Variants in MSTO1 observed in about 807,000 individuals in gnomAD.
MSTO1 encodes protein misato homolog 1.
In MSTO1, 24 loss-of-function variants were observed where a neutral mutation model predicts 55.7. The ratio of observed to expected loss-of-function variants is 0.43; its 90% CI spans 0.31 to 0.61. The LOEUF is 0.61. MSTO1 is among the 20% of genes least tolerant of loss of function. MSTO1 has a pLI of 0.09. For missense variants in MSTO1, 363 were observed against 625.7 expected, an observed-to-expected ratio of 0.58 and a Z score of 4.48; for synonymous variants, 162 against 252.8, an observed-to-expected ratio of 0.64 and a Z score of 3.41.
upstream of MSTO1, among the ~76,000 whole-genome samples, chr1:155,609,243 ATTT>A (rs1185140621): frequency 4.9e-4 from 27 of 54,568 alleles, no homozygotes; most frequent in East Asian, 1.9e-3. Context: ...ATATATATAT[ATTT>A]TTTTTTTTTT....
At chr1:155,592,021 C>T in the MSTO1 span, among the ~76,000 whole-genome samples, 1 of 152,182 alleles carries the variant, frequency 6.6e-6, no homozygotes, top group South Asian at 2.1e-4. Context: ...AGTTTGTTTT[C>T]CACTCTGCTT....
At chr1:155,577,017 A>C in the MSTO1 span, among the ~76,000 whole-genome samples, 1 of 20,230 alleles carries the variant, frequency 4.9e-5, no homozygotes, top group Non-Finnish European at 1.1e-4. Context: ...CTCCGTCTCA[A>C]AAAAAAAAAA....
At chr1:155,573,773 G>A in the MSTO1 span, among the ~76,000 whole-genome samples, 1 of 151,120 alleles carries the variant, frequency 6.6e-6, no homozygotes, top group Non-Finnish European at 1.5e-5. Context: ...AGGAGACAGA[G>A]GTTACAGTGA....
At chr1:155,593,204 G>A in the MSTO1 span, among the ~76,000 whole-genome samples, 6 of 152,196 alleles carry the variant, frequency 3.9e-5, no homozygotes, top group South Asian at 6.2e-4. Context: ...GTGAGCCACC[G>A]CACCTGGCCT....
At chr1:155,569,549 T>G in the MSTO1 span, among the ~76,000 whole-genome samples, 1 of 148,622 alleles carries the variant, frequency 6.7e-6, no homozygotes. Context: ...GCAATTCTAC[T>G]GCCGCAGCCT....
the MSTO1 span, among the ~76,000 whole-genome samples, chr1:155,582,318 C>T: frequency 9.2e-5 from 14 of 152,292 alleles, no homozygotes; most frequent in South Asian, 4.1e-4. Flanking sequence ...GAAATCAGTA[C>T]GCAATTTTTC....
chr1:155,576,297 A>G, the MSTO1 span, among the ~76,000 whole-genome samples: 30 of 151,960 alleles, frequency 2.0e-4, no homozygotes, highest in Admixed American at 6.6e-5. Flanking sequence ...ACAATTCGTT[A>G]TCTATTTATA....
the MSTO1 span, among the ~76,000 whole-genome samples, chr1:155,578,573 C>G: frequency 7.1e-6 from 1 of 141,634 alleles, no homozygotes; most frequent in Non-Finnish European, 1.5e-5. Flanking sequence ...TGCAGTGGCA[C>G]AATCTCGGCT....
chr1:155,565,523 G>A, the MSTO1 span, among the ~76,000 whole-genome samples: 1 of 152,012 alleles, frequency 6.6e-6, no homozygotes, highest in Non-Finnish European at 1.5e-5. Context: ...TTAGACTCTA[G>A]TTTGCCTGTC....
chr1:155,598,422 C>T, the MSTO1 span, among the ~76,000 whole-genome samples: 1 of 152,110 alleles, frequency 6.6e-6, no homozygotes, highest in African/African-American at 2.4e-5. Flanking sequence ...GCCAGGATTT[C>T]TTTAAAAAAT....
chr1:155,569,750 G>T, the MSTO1 span, among the ~76,000 whole-genome samples: 3 of 151,408 alleles, frequency 2.0e-5, no homozygotes, highest in African/African-American at 4.9e-5. Context: ...TGTTTTTTTT[G>T]GTTTTTTTGT....
upstream of MSTO1, among the ~76,000 whole-genome samples, chr1:155,608,661 C>A (rs1407379748): frequency 6.6e-6 from 1 of 151,860 alleles, no homozygotes; most frequent in Non-Finnish European, 1.5e-5. Flanking sequence ...CGTCACCACG[C>A]CCGGCTAATT....
the MSTO1 span, chr1:155,563,518 C>T: frequency 4.4e-6 from 2 of 456,376 alleles, no homozygotes; most frequent in South Asian, 3.1e-5. Context: ...TGTTGTTAAC[C>T]CTCCTCGGAT....
At chr1:155,604,548 AAAC>A in the MSTO1 span, among the ~76,000 whole-genome samples, 4 of 152,260 alleles carry the variant, frequency 2.6e-5, no homozygotes, top group Non-Finnish European at 5.9e-5. Context: ...TGAAATTACT[AAAC>A]ACAAAACTTA....
chr1:155,591,608 T>C, the MSTO1 span, among the ~76,000 whole-genome samples: 1 of 151,934 alleles, frequency 6.6e-6, no homozygotes, highest in African/African-American at 2.4e-5. Flanking sequence ...CTGACCAACA[T>C]GGAGAAACCC....
the MSTO1 span, among the ~76,000 whole-genome samples, chr1:155,595,176 GTT>G: frequency 0.017 from 1,742 of 102,378 alleles, 11 homozygotes; most frequent in African/African-American, 0.059. Context: ...CAGGTTTGTT[GTT>G]TTTTTTTTTT....
upstream of MSTO1, among the ~76,000 whole-genome samples, chr1:155,605,848 A>G (rs1672926263): frequency 6.6e-6 from 1 of 152,228 alleles, no homozygotes; most frequent in Non-Finnish European, 1.5e-5. Flanking sequence ...GCAAACATTT[A>G]AAGAAATGAT....
chr1:155,568,142 C>T, the MSTO1 span, among the ~76,000 whole-genome samples: 2 of 143,454 alleles, frequency 1.4e-5, no homozygotes, highest in African/African-American at 5.2e-5. Flanking sequence ...TGCAGTGTCA[C>T]GATCTGGGCT....
At chr1:155,601,970 G>C in the MSTO1 span, 1 of 351,866 alleles carries the variant, frequency 2.8e-6, no homozygotes. Flanking sequence ...TAGCCAGGAT[G>C]GTCTCGATCT....
Sources: allele counts gnomAD v4.1 joint callset (sites outside exome capture counted in the v4.1 genomes callset), GRCh38; gene constraint gnomAD v4.1.1; transcripts MANE v1.5; gene names NCBI Gene and HGNC (gene_info 2026-07-23, HGNC 2026-07-21).